Variants in SPOCK1 observed in about 807,000 individuals in gnomAD.
SPOCK1 encodes testican-1.
A neutral mutation model predicts 55.3 loss-of-function variants in SPOCK1; 23 were observed. The observed-to-expected ratio is 0.42, with a 90% CI of 0.30 to 0.59. The LOEUF (loss-of-function observed/expected upper bound fraction) is 0.59. Ranked by LOEUF, SPOCK1 falls within the 20% of genes least tolerant of loss-of-function variation. The pLI, the probability that SPOCK1 is intolerant of heterozygous loss-of-function variation, is 0.22. For synonymous variants in SPOCK1, 226 were observed against 221.0 expected (o/e 1.02, Z -0.20); for missense variants, 499 against 552.5 (o/e 0.90, Z 0.97).
chr5:137,030,776 G>A (rs980731828), intron 6 of SPOCK1, among the ~76,000 whole-genome samples: 1 of 152,132 alleles, frequency 6.6e-6, no homozygotes, highest in Non-Finnish European at 1.5e-5. Flanking sequence ...GTGGACAAAC[G>A]CCTATCTGTA....
intron 9 of SPOCK1, among the ~76,000 whole-genome samples, chr5:136,983,951 T>TTAATAAACAGCAATGTAC (rs1178791549): frequency 6.6e-6 from 1 of 152,180 alleles, no homozygotes; most frequent in Non-Finnish European, 1.5e-5. Flanking sequence ...AATGTATGTT[T>TTAATAAACAGCAATGTAC]TAATAAACAG....
chr5:137,281,420 G>A (rs528199696), intron 2 of SPOCK1, among the ~76,000 whole-genome samples: 6 of 152,358 alleles, frequency 3.9e-5, no homozygotes, highest in African/African-American at 1.4e-4. Flanking sequence ...CAGCTGAATG[G>A]AACCACAAAC....
rs1037587331 is a variant in SPOCK1, at chr5:136,978,223, C to A, written c.*431G>T. On this transcript the variant is annotated 3_prime_UTR_variant, in exon 11 of 11. Coordinates refer to ENST00000394945, the MANE Select transcript of SPOCK1 (RefSeq NM_004598.4). ...GTTTTTTTCTTTTTCACAACATCTA[C>A]AGGACACAAGAGAAGCACTTAGACA... 6 of 316,688 alleles carry A rather than the reference C, an allele frequency of 1.9e-5. No homozygotes were observed. Among genetic ancestry groups the A allele is most frequent in the Non-Finnish European group, 2.9e-5 (5 of 175,280 alleles). 19.6% of individuals were successfully genotyped at this position (316,688 alleles called of 1,614,324 possible).
intron 5 of SPOCK1, among the ~76,000 whole-genome samples, chr5:137,072,647 C>T (rs1025798937): frequency 6.6e-6 from 1 of 152,220 alleles, no homozygotes; most frequent in Non-Finnish European, 1.5e-5. Context: ...GCACAGCTAA[C>T]AACCTCTTTC....
Position 137,079,544 on chromosome 5 carries a change from C to G in SPOCK1, c.475-11715G>C, listed in dbSNP as rs964637718. Among the ~76,000 whole-genome samples, 10 of 148,092 alleles carry G rather than the reference C, an allele frequency of 6.8e-5. 2 individuals carry two copies. The highest frequency in any genetic ancestry group is 4.4e-4 in the South Asian group (2 of 4,594). On this transcript the variant is annotated intron_variant, in intron 5 of 10. Transcript: ENST00000394945. ...CCATCCCATCTGATTCCCCCCCCCC[C>G]CGACTTAGTGAAATGTCGTACCAAA...
intron 6 of SPOCK1, among the ~76,000 whole-genome samples, chr5:137,056,985 C>G (rs1580728640): frequency 1.3e-5 from 2 of 152,144 alleles, no homozygotes; most frequent in East Asian, 3.8e-4. Context: ...GCTACTACAT[C>G]ACTGGGAAAC....
chr5:137,035,624 GAGA>G lies in SPOCK1; in HGVS notation c.589+32088_589+32090del, dbSNP rs374388718. On this transcript the variant is annotated intron_variant, in intron 6 of 10. Transcript: ENST00000394945. ...GGGGCTTCCAGTCTGAGACTCCTTG[GAGA>G]AGAAGCATGATCCTGAGGTCACTGT... 3.2e-3 allele frequency among the ~76,000 whole-genome samples: 486 copies of G among 152,252 alleles called. 5 individuals are homozygous for G. Among genetic ancestry groups the G allele is most frequent in the Middle Eastern group, 6.8e-3 (2 of 294 alleles).
chr5:137,345,328 AGAATCC>A (rs1750531647), intron 2 of SPOCK1, among the ~76,000 whole-genome samples: 1 of 152,256 alleles, frequency 6.6e-6, no homozygotes, highest in African/African-American at 2.4e-5. Flanking sequence ...TGAGCACTTC[AGAATCC>A]CTTCCCTGAT....
intron 2 of SPOCK1, among the ~76,000 whole-genome samples, chr5:137,480,478 A>C (rs989554840): frequency 2.0e-5 from 3 of 152,124 alleles, no homozygotes; most frequent in African/African-American, 7.2e-5. Context: ...TTGGACATAG[A>C]GTTGTTTTGC....
At chr5:137,332,469 G>A (rs531051717) in intron 2 of SPOCK1, among the ~76,000 whole-genome samples, 71 of 152,148 alleles carry the variant, frequency 4.7e-4, no homozygotes, top group Non-Finnish European at 7.8e-4. Context: ...AAAACCAGCC[G>A]TCAGTAACAC....
intron 7 of SPOCK1, among the ~76,000 whole-genome samples, chr5:136,992,136 G>T (rs1244583918): frequency 6.6e-6 from 1 of 152,140 alleles, no homozygotes; most frequent in Non-Finnish European, 1.5e-5. Context: ...TTCACAACAT[G>T]AAAAGATAGT....
chr5:137,088,840 T>C (rs1225471202), intron 5 of SPOCK1, among the ~76,000 whole-genome samples: 1 of 152,124 alleles, frequency 6.6e-6, no homozygotes, highest in Non-Finnish European at 1.5e-5. Flanking sequence ...TCCAGGTGGA[T>C]GTGCAACTTG....
At chr5:137,144,551 C>T (rs1013922487) in intron 3 of SPOCK1, among the ~76,000 whole-genome samples, 4 of 152,120 alleles carry the variant, frequency 2.6e-5, no homozygotes, top group Non-Finnish European at 5.9e-5. Flanking sequence ...ATCACCTCGC[C>T]GCATTTTGTT....
At chr5:137,423,931 C>T (rs1752554677) in intron 2 of SPOCK1, among the ~76,000 whole-genome samples, 1 of 152,130 alleles carries the variant, frequency 6.6e-6, no homozygotes, top group Non-Finnish European at 1.5e-5. Flanking sequence ...ATGTTTTTTT[C>T]CATATAACCC....
chr5:137,340,090 GA>G (rs5871634), intron 2 of SPOCK1, among the ~76,000 whole-genome samples: 11 of 148,404 alleles, frequency 7.4e-5, no homozygotes, highest in South Asian at 4.3e-4. Context: ...CTATTTCAAA[GA>G]AAAAAAAAAC....
At chr5:137,118,997 G>A (rs1188511817) in intron 4 of SPOCK1, among the ~76,000 whole-genome samples, 1 of 152,106 alleles carries the variant, frequency 6.6e-6, no homozygotes, top group South Asian at 2.1e-4. Context: ...CTACTCTGAG[G>A]GTAAATGCTA....
At chr5:137,426,665 T>G (rs1267085521) in intron 2 of SPOCK1, among the ~76,000 whole-genome samples, 1 of 152,224 alleles carries the variant, frequency 6.6e-6, no homozygotes, top group Non-Finnish European at 1.5e-5. Context: ...GGCCTTGCTC[T>G]AACCTATGGG....
At chr5:136,995,933 C>T (rs1450009631) in intron 6 of SPOCK1, among the ~76,000 whole-genome samples, 1 of 152,230 alleles carries the variant, frequency 6.6e-6, no homozygotes, top group African/African-American at 2.4e-5. Flanking sequence ...GGGCCCTGTT[C>T]ACTCACAAGG....
At chr5:137,412,007 T>G (rs543270356) in intron 2 of SPOCK1, among the ~76,000 whole-genome samples, 127 of 152,258 alleles carry the variant, frequency 8.3e-4, no homozygotes, top group African/African-American at 2.8e-3. Context: ...AGAGAGACAC[T>G]CTAGGACTCT....
Sources: gnomAD v4.1 joint callset for allele counts (sites outside exome capture counted in the v4.1 genomes callset) on GRCh38, gnomAD v4.1.1 for gene constraint, MANE v1.5 for transcripts, NCBI Gene and HGNC (gene_info 2026-07-23, HGNC 2026-07-21) for gene names.